Variants in SLC2A9 observed in about 807,000 individuals in gnomAD.
SLC2A9 encodes solute carrier family 2, facilitated glucose transporter member 9.
In SLC2A9, 39 loss-of-function variants were observed where a neutral mutation model predicts 50.6. The observed-to-expected ratio is 0.77, with a 90% CI of 0.60 to 1.01. The LOEUF (loss-of-function observed/expected upper bound fraction) is 1.01. Among genes scored for constraint, SLC2A9 ranks in the 50% least tolerant of loss-of-function variants. The pLI, the probability that SLC2A9 is intolerant of heterozygous loss-of-function variation, is 0.00. For missense variants in SLC2A9, 686 were observed against 677.6 expected, an observed-to-expected ratio of 1.01 and a Z score of -0.14; for synonymous variants, 324 against 276.9, an observed-to-expected ratio of 1.17 and a Z score of -1.69.
chr4:9,803,166 C>G (rs1327531084), intron 3 of SLC2A9, among the ~76,000 whole-genome samples: 1 of 152,182 alleles, frequency 6.6e-6, no homozygotes, highest in African/African-American at 2.4e-5. Flanking sequence ...GTCTAATTCT[C>G]TCTGTTTTCT....
At chr4:9,959,495 C>A (rs34560968) in intron 5 of SLC2A9, among the ~76,000 whole-genome samples, 9,623 of 151,312 alleles carry the variant, frequency 0.064, 779 homozygotes, top group East Asian at 0.46. Context: ...TTTAAAAGTT[C>A]TATCATCAAT....
In SLC2A9 at chr4:9,997,027, T is replaced by C. The variant is rs181200294; in HGVS notation, c.250-86A>G. 9.1e-5 allele frequency: 137 copies of C among 1,500,264 alleles called. 1 individual carries two copies. In the East Asian group the frequency reaches 2.9e-3, roughly 32 times the overall value. The allele number at this position is 1,500,264 out of a possible 1,614,324, so 92.9% of individuals were successfully genotyped here. A position where few individuals can be genotyped will look rare whatever the true frequency, so the allele number is the denominator to read the frequency against. ...CCAGTGTACAAAACAAAACAGCTTG[T>C]ACAGAGCATTTTCATGCATAGCACT... On this transcript the variant is annotated intron_variant, in intron 2 of 11. Coordinates refer to ENST00000264784, the MANE Select transcript of SLC2A9 (RefSeq NM_020041.3).
At chr4:9,899,154 C>T (rs1441578895) in intron 8 of SLC2A9, among the ~76,000 whole-genome samples, 2 of 152,206 alleles carry the variant, frequency 1.3e-5, no homozygotes, top group Non-Finnish European at 2.9e-5. Flanking sequence ...GAGGGCCACC[C>T]CGCAGGCATC....
chr4:9,998,507 G>A (rs1222972675), intron 2 of SLC2A9, among the ~76,000 whole-genome samples: 1 of 152,144 alleles, frequency 6.6e-6, no homozygotes, highest in Non-Finnish European at 1.5e-5. Flanking sequence ...TAAAAGATCT[G>A]GTAAGACTGA....
In SLC2A9 at chr4:9,989,186, C is replaced by G. The variant is rs558310244; in HGVS notation, c.411-3393G>C. Among the ~76,000 whole-genome samples, 31 of 152,210 alleles carry G rather than the reference C, an allele frequency of 2.0e-4. 1 individual carries two copies. Among genetic ancestry groups the G allele is most frequent in the South Asian group, 2.1e-4 (1 of 4,832 alleles). On this transcript the variant is annotated intron_variant, in intron 3 of 11. Coordinates refer to ENST00000264784, the MANE Select transcript of SLC2A9 (RefSeq NM_020041.3). ...AAATATTTATATGCCCATCCACCCC[C>G]TTTCATTACATATGCCTGGCAAAAC...
chr4:9,908,093 T>C, intron 8 of SLC2A9, 142 bp downstream of exon 8: 1 of 705,504 alleles, frequency 1.4e-6, no homozygotes. Context: ...AACCAAGAGT[T>C]TGCTGAATGA....
At chr4:9,904,162 C>T (rs929478524) in intron 8 of SLC2A9, among the ~76,000 whole-genome samples, 14 of 152,016 alleles carry the variant, frequency 9.2e-5, no homozygotes, top group Admixed American at 7.2e-4. Flanking sequence ...GCTGCTGTAG[C>T]GAGTTACCAC....
chr4:9,935,724 C>T (rs987321819), intron 6 of SLC2A9, among the ~76,000 whole-genome samples: 57 of 152,316 alleles, frequency 3.7e-4, no homozygotes, highest in African/African-American at 1.2e-3. Flanking sequence ...TGTTTTAGGA[C>T]GTGTGCCCCT....
intron 3 of SLC2A9, among the ~76,000 whole-genome samples, chr4:9,804,937 A>T (rs529833909): frequency 1.3e-5 from 2 of 152,240 alleles, no homozygotes; most frequent in South Asian, 4.2e-4. Flanking sequence ...GTTGTTAGGG[A>T]CAGCAGGAGG....
chr4:9,938,085 T>C (rs945128875), intron 6 of SLC2A9, among the ~76,000 whole-genome samples: 1 of 152,192 alleles, frequency 6.6e-6, no homozygotes, highest in African/African-American at 2.4e-5. Flanking sequence ...GTTTGTTAAA[T>C]AAGTGAATTA....
intron 10 of SLC2A9, among the ~76,000 whole-genome samples, chr4:9,835,544 C>T (rs759895207): frequency 6.6e-6 from 1 of 152,248 alleles, no homozygotes; most frequent in African/African-American, 2.4e-5. Context: ...TCTAGAGAGA[C>T]AGTGAACACA....
intron 2 of SLC2A9, among the ~76,000 whole-genome samples, chr4:10,011,982 G>A (rs1462405065): frequency 6.6e-6 from 1 of 152,164 alleles, no homozygotes; most frequent in Non-Finnish European, 1.5e-5. Flanking sequence ...GGCCAGCAAG[G>A]GAAACCCTAG....
chr4:9,903,589 A>G (rs1320562661), intron 8 of SLC2A9, among the ~76,000 whole-genome samples: 1 of 152,116 alleles, frequency 6.6e-6, no homozygotes, highest in Non-Finnish European at 1.5e-5. Flanking sequence ...TTGCAGATCA[A>G]ATGAGCAAAG....
At chr4:9,783,617 T>C (rs1718828633) in intron 3 of SLC2A9, 1 of 738,452 alleles carries the variant, frequency 1.4e-6, no homozygotes, top group Non-Finnish European at 2.2e-6. Context: ...CCCCATTGAT[T>C]GGTAGTTCGA....
downstream of SLC2A9, among the ~76,000 whole-genome samples, chr4:9,796,117 AC>A (rs919773751): frequency 6.6e-6 from 1 of 151,704 alleles, no homozygotes; most frequent in African/African-American, 2.4e-5. Flanking sequence ...TTCTCACTGA[AC>A]CCCCTGCCTC....
chr4:10,023,539 T>A (rs3775940), upstream of SLC2A9, among the ~76,000 whole-genome samples: 83,319 of 152,008 alleles, frequency 0.55, 23,754 homozygotes, highest in East Asian at 0.89. Context: ...CTCTGTTGGG[T>A]TTGAAAACTC....
chr4:9,776,187 CTT>C (rs75524600), downstream of SLC2A9, among the ~76,000 whole-genome samples: 14 of 141,970 alleles, frequency 9.9e-5, no homozygotes, highest in Admixed American at 6.3e-4. Flanking sequence ...GTCTTTCTTT[CTT>C]TTTTTTTTTT....
At chr4:9,936,832 G>A (rs936197189) in intron 6 of SLC2A9, among the ~76,000 whole-genome samples, 3 of 152,102 alleles carry the variant, frequency 2.0e-5, no homozygotes, top group African/African-American at 4.8e-5. Flanking sequence ...TAAACTCTCT[G>A]GTGATTTGTT....
At chr4:10,028,026 T>C (rs567261662) in intron 1 of SLC2A9, among the ~76,000 whole-genome samples, 8 of 152,306 alleles carry the variant, frequency 5.3e-5, no homozygotes, top group African/African-American at 1.7e-4. Context: ...AGCCTCCCCA[T>C]TGATTTGCTC....
Sources: allele counts gnomAD v4.1 joint callset (sites outside exome capture counted in the v4.1 genomes callset), GRCh38; gene constraint gnomAD v4.1.1; transcripts MANE v1.5; gene names NCBI Gene and HGNC (gene_info 2026-07-23, HGNC 2026-07-21).